ARMC2: variants seen among roughly 807,000 people sequenced by gnomAD.
ARMC2 encodes armadillo repeat containing 2.
In ARMC2, 67 loss-of-function variants were observed where a neutral mutation model predicts 90.3. The ratio of observed to expected loss-of-function variants is 0.74; its 90% CI spans 0.61 to 0.91. ARMC2 has a LOEUF of 0.91. Among genes scored for constraint, ARMC2 ranks in the 40% least tolerant of loss-of-function variants. ARMC2 has a pLI of 0.00. For synonymous variants in ARMC2, 393 were observed against 393.0 expected (o/e 1.00, Z 0.00); for missense variants, 920 against 1,030.9 (o/e 0.89, Z 1.47).
At chr6:108,960,495 C>T (rs1777915344) in intron 13 of ARMC2, among the ~76,000 whole-genome samples, 1 of 152,216 alleles carries the variant, frequency 6.6e-6, no homozygotes, top group South Asian at 2.1e-4. Flanking sequence ...CACTATGTGC[C>T]AGGCACTGTT....
chr6:108,935,585 G>C (rs1168992213), intron 11 of ARMC2, among the ~76,000 whole-genome samples: 1 of 152,034 alleles, frequency 6.6e-6, no homozygotes, highest in Non-Finnish European at 1.5e-5. Flanking sequence ...GAGACTACAA[G>C]CATGCACCAC....
the ARMC2 span, among the ~76,000 whole-genome samples, chr6:109,026,950 A>T: frequency 6.6e-6 from 1 of 151,928 alleles, no homozygotes; most frequent in Non-Finnish European, 1.5e-5. Flanking sequence ...AGGATGGATC[A>T]CTTGAGGCCT....
At chr6:108,924,775 A>G (rs1383727653) in intron 10 of ARMC2, among the ~76,000 whole-genome samples, 1 of 152,100 alleles carries the variant, frequency 6.6e-6, no homozygotes, top group Admixed American at 6.5e-5. Context: ...GGGAAGGCGG[A>G]GCTTTGAGAT....
At chr6:108,929,913 G>T (rs954771459) in intron 11 of ARMC2, among the ~76,000 whole-genome samples, 4 of 152,118 alleles carry the variant, frequency 2.6e-5, no homozygotes, top group African/African-American at 9.7e-5. Context: ...TCTGAGATCA[G>T]CCTGGGCAAC....
At chr6:108,942,872 G>A (rs919918832) in intron 12 of ARMC2, among the ~76,000 whole-genome samples, 8 of 151,874 alleles carry the variant, frequency 5.3e-5, no homozygotes, top group Non-Finnish European at 1.0e-4. Context: ...GGCTAATCGC[G>A]TTTTCAAAAA....
In ARMC2 at chr6:108,905,535, G is replaced by A. The variant is rs146827452; in HGVS notation, c.1023+1130G>A. Among the ~76,000 whole-genome samples the A allele has an allele frequency of 7.0e-3, 1,015 of 144,806 alleles. 14 individuals carry two copies. Among genetic ancestry groups the A allele is most frequent in the African/African-American group, 0.02 (795 of 39,070 alleles). 95.0% of individuals were successfully genotyped at this position (144,806 alleles called of 152,430 possible). ...CAAGCCAAAGAAAGAGAGAAAGAGT[G>A]AGGAAAAAAAAAAAAAGAAAGAAAG... On this transcript the variant is annotated intron_variant, in intron 8 of 17. Transcript: ENST00000392644.
the ARMC2 span, among the ~76,000 whole-genome samples, chr6:109,009,766 G>T: frequency 6.6e-6 from 1 of 152,088 alleles, no homozygotes; most frequent in Non-Finnish European, 1.5e-5. Context: ...TAATTCTCAG[G>T]TACGGAATGG....
intron 3 of ARMC2, among the ~76,000 whole-genome samples, chr6:108,860,511 A>G (rs1775119340): frequency 6.6e-6 from 1 of 151,988 alleles, no homozygotes; most frequent in Non-Finnish European, 1.5e-5. Flanking sequence ...AAATACAAAA[A>G]ATTAGCCGAG....
intron 8 of ARMC2, among the ~76,000 whole-genome samples, chr6:108,908,756 AAAAAG>A (rs964975384): frequency 6.6e-6 from 1 of 152,092 alleles, no homozygotes; most frequent in Admixed American, 6.6e-5. Flanking sequence ...GTCTCTGAAA[AAAAAG>A]AAAAGAGAGA....
At chr6:108,867,866 G>A (rs192314942) in intron 3 of ARMC2, among the ~76,000 whole-genome samples, 4 of 152,094 alleles carry the variant, frequency 2.6e-5, no homozygotes, top group Admixed American at 6.5e-5. Context: ...TCCGGAAGGC[G>A]GAGGTTGCAG....
At chr6:108,989,380 A>G in the ARMC2 span, among the ~76,000 whole-genome samples, 2 of 151,748 alleles carry the variant, frequency 1.3e-5, no homozygotes, top group Middle Eastern at 3.2e-3. Flanking sequence ...TGGTACTAGT[A>G]CTTTCTCTCT....
At chr6:109,023,282 CAG>C in the ARMC2 span, among the ~76,000 whole-genome samples, 19 of 152,320 alleles carry the variant, frequency 1.2e-4, no homozygotes, top group East Asian at 3.5e-3. Flanking sequence ...ATTCTTCTCT[CAG>C]AGTTTCATTA....
downstream of ARMC2, among the ~76,000 whole-genome samples, chr6:108,974,704 A>T (rs1056854968): frequency 2.6e-5 from 4 of 152,066 alleles, no homozygotes; most frequent in African/African-American, 9.7e-5. Context: ...TAAACAGCTC[A>T]TTTCTCACCC....
chr6:108,912,308 A>G, intron 9 of ARMC2, 27 bp from the exon 10 acceptor site: 3 of 1,511,920 alleles, frequency 2.0e-6, no homozygotes, highest in Non-Finnish European at 2.7e-6. Context: ...ATACTCAGAC[A>G]TTTATAATAA....
At chr6:109,049,367 T>TAAA in the ARMC2 span, among the ~76,000 whole-genome samples, 2 of 151,668 alleles carry the variant, frequency 1.3e-5, no homozygotes, top group African/African-American at 4.8e-5. Flanking sequence ...GAGAGGTTAC[T>TAAA]AAAAGCTGGG....
At chr6:108,901,080 T>A (rs1379702221) in intron 7 of ARMC2, among the ~76,000 whole-genome samples, 1 of 148,014 alleles carries the variant, frequency 6.8e-6, no homozygotes, top group East Asian at 2.1e-4. Flanking sequence ...TAGGAAGCCT[T>A]CCTACAGGAA....
chr6:108,850,212 T>G (rs1562312232), intron 1 of ARMC2, among the ~76,000 whole-genome samples: 3 of 152,232 alleles, frequency 2.0e-5, no homozygotes, highest in Admixed American at 6.5e-5. Flanking sequence ...TTCCTACTGC[T>G]GGTGGTGTTC....
chr6:108,883,874 T>C (rs1777824844), intron 5 of ARMC2, among the ~76,000 whole-genome samples: 2 of 152,184 alleles, frequency 1.3e-5, no homozygotes, highest in South Asian at 4.2e-4. Context: ...TCTTCTATCT[T>C]TTCCTCTGAA....
intron 10 of ARMC2, among the ~76,000 whole-genome samples, chr6:108,921,922 A>G (rs1774614239): frequency 6.6e-6 from 1 of 152,242 alleles, no homozygotes; most frequent in African/African-American, 2.4e-5. Context: ...CAAATAGAGT[A>G]GGGAGGCAAT....
Sources: allele counts gnomAD v4.1 joint callset (sites outside exome capture counted in the v4.1 genomes callset), GRCh38; gene constraint gnomAD v4.1.1; transcripts MANE v1.5; gene names NCBI Gene and HGNC (gene_info 2026-07-23, HGNC 2026-07-21).